SVIL: variants seen among roughly 807,000 people sequenced by gnomAD.
The protein encoded by SVIL is supervillin.
SVIL carries 101 observed loss-of-function variants against 240.4 expected under a neutral mutation model. The ratio of observed to expected loss-of-function variants is 0.42; its 90% CI spans 0.36 to 0.50. SVIL has a LOEUF of 0.50. SVIL is among the 20% of genes least tolerant of loss of function. The pLI is 0.01. For missense variants in SVIL, 2,512 were observed against 2,818.7 expected (o/e 0.89, Z 2.46); for synonymous variants, 999 against 1,100.0 (o/e 0.91, Z 1.82).
chr10:29,529,312 T>C (rs1002554852), intron 12 of SVIL, among the ~76,000 whole-genome samples: 29 of 152,038 alleles, frequency 1.9e-4, no homozygotes, highest in African/African-American at 6.8e-4. Context: ...TAGTGTTTGC[T>C]TGAAAATAGC....
chr10:29,551,076 C>G lies in SVIL; in HGVS notation c.348G>C (p.Leu116=). The G allele has an allele frequency of 6.2e-7, 1 of 1,614,158 alleles. No individual in the cohort carries two copies. The highest frequency in any genetic ancestry group is 8.5e-7 in the Non-Finnish European group (1 of 1,180,028). The change falls in exon 6 of 38, where the codon CTG becomes CTC. Residue 116 remains leucine (L), a synonymous_variant. Coordinates refer to ENST00000355867, the MANE Select transcript of SVIL (RefSeq NM_021738.3). ...CCAGAGTCAGCCCATACTTCTCTGC[C>G]AGCTGTCGCCTTCTTTCTGCTTTGT... ...ARYKAERRRQ[L]AEKYGLTLDP... is the part of the protein sequence containing the mutation.
At chr10:29,696,763 C>T (rs1962063009) in intron 1 of SVIL, among the ~76,000 whole-genome samples, 3 of 151,368 alleles carry the variant, frequency 2.0e-5, no homozygotes, top group Admixed American at 2.0e-4. Context: ...TGGCTGCCAC[C>T]CCGTCTGGGA....
At chr10:29,493,849 A>G (rs1211771972) in intron 20 of SVIL, among the ~76,000 whole-genome samples, 1 of 152,280 alleles carries the variant, frequency 6.6e-6, no homozygotes, top group Non-Finnish European at 1.5e-5. Flanking sequence ...TAGTTCACAA[A>G]TGGGCATGGA....
intron 14 of SVIL, 44 bp from the exon 15 acceptor site, chr10:29,524,071 T>G (rs773512525): frequency 3.1e-5 from 48 of 1,525,714 alleles, no homozygotes; most frequent in Non-Finnish European, 4.2e-5. Context: ...TTGAAAAATA[T>G]CATCTATATA....
intron 1 of SVIL, among the ~76,000 whole-genome samples, chr10:29,576,944 G>C (rs1256337211): frequency 6.6e-6 from 1 of 152,014 alleles, no homozygotes; most frequent in Admixed American, 6.6e-5. Context: ...GCAGTGGCGC[G>C]AGCTAGGCTC....
At chr10:29,687,910 A>G (rs1470833909) in intron 1 of SVIL, among the ~76,000 whole-genome samples, 1 of 152,064 alleles carries the variant, frequency 6.6e-6, no homozygotes, top group Non-Finnish European at 1.5e-5. Context: ...TGGTTATCAC[A>G]AGTTACTCCC....
chr10:29,618,849 T>G (rs1957523355), intron 1 of SVIL, among the ~76,000 whole-genome samples: 1 of 151,932 alleles, frequency 6.6e-6, no homozygotes, highest in Admixed American at 6.6e-5. Context: ...GCCTCCTGAG[T>G]AGCTGGGACT....
intron 17 of SVIL, among the ~76,000 whole-genome samples, chr10:29,510,538 C>A (rs1949751755): frequency 6.6e-6 from 1 of 151,326 alleles, no homozygotes; most frequent in Non-Finnish European, 1.5e-5. Context: ...AACGTAGGAA[C>A]CGTGAAGGGC....
intron 1 of SVIL, among the ~76,000 whole-genome samples, chr10:29,612,931 G>A (rs1260552776): frequency 3.3e-5 from 5 of 151,966 alleles, no homozygotes; most frequent in South Asian, 2.1e-4. Flanking sequence ...TAATCCCAGC[G>A]CTTTGGGAGG....
chr10:29,694,829 T>C (rs1456415700), intron 1 of SVIL, among the ~76,000 whole-genome samples: 1 of 152,072 alleles, frequency 6.6e-6, no homozygotes, highest in Non-Finnish European at 1.5e-5. Flanking sequence ...ATAGGAAAGC[T>C]CAAGGTGAGA....
chr10:29,512,303 A>G (rs1949895731), intron 17 of SVIL, among the ~76,000 whole-genome samples: 1 of 152,188 alleles, frequency 6.6e-6, no homozygotes, highest in Non-Finnish European at 1.5e-5. Context: ...CATAAACCAC[A>G]ATTATGTCCT....
intron 1 of SVIL, among the ~76,000 whole-genome samples, chr10:29,624,166 C>CAAA (rs58064632): frequency 0.063 from 8,573 of 136,006 alleles, 317 homozygotes; most frequent in Admixed American, 0.1. Context: ...AATGAGCTTT[C>CAAA]AAAAAAAAAA....
intron 18 of SVIL, among the ~76,000 whole-genome samples, chr10:29,498,224 C>T (rs1295294547): frequency 6.6e-6 from 1 of 151,902 alleles, no homozygotes; most frequent in African/African-American, 2.4e-5. Context: ...TTGAGACCAC[C>T]TGGCCCACAT....
At chr10:29,655,500 C>A (rs370654065) in intron 3 of SVIL, among the ~76,000 whole-genome samples, 14 of 152,290 alleles carry the variant, frequency 9.2e-5, no homozygotes, top group African/African-American at 2.9e-4. Context: ...CCATGCTGGG[C>A]AGCTGACTGG....
chr10:29,470,791 C>T (rs1354758828), intron 31 of SVIL, among the ~76,000 whole-genome samples: 1 of 152,100 alleles, frequency 6.6e-6, no homozygotes, highest in Non-Finnish European at 1.5e-5. Flanking sequence ...TTTTAAAAGG[C>T]TCTAGAGCTA....
intron 3 of SVIL, among the ~76,000 whole-genome samples, chr10:29,651,098 A>T (rs932693363): frequency 6.6e-6 from 1 of 152,202 alleles, no homozygotes; most frequent in Non-Finnish European, 1.5e-5. Flanking sequence ...AAGGCAAAGA[A>T]TGGCACTCTT....
intron 21 of SVIL, among the ~76,000 whole-genome samples, chr10:29,491,829 T>G (rs1239388742): frequency 2.0e-5 from 3 of 152,218 alleles, no homozygotes; most frequent in Non-Finnish European, 2.9e-5. Context: ...AGTGACATTG[T>G]GTGGGCGGAA....
intron 1 of SVIL, among the ~76,000 whole-genome samples, chr10:29,708,342 C>T (rs948758442): frequency 1.3e-5 from 2 of 151,214 alleles, no homozygotes; most frequent in Non-Finnish European, 2.9e-5. Context: ...AGATTTTGGC[C>T]ACGTGCGTTA....
At chr10:29,631,139 A>T (rs1589424524) in intron 1 of SVIL, among the ~76,000 whole-genome samples, 1 of 152,224 alleles carries the variant, frequency 6.6e-6, no homozygotes, top group East Asian at 1.9e-4. Flanking sequence ...GAGACTTGCC[A>T]ACAGAACTCC....
Sources: allele counts gnomAD v4.1 joint callset (sites outside exome capture counted in the v4.1 genomes callset), GRCh38; gene constraint gnomAD v4.1.1; transcripts MANE v1.5; gene names NCBI Gene and HGNC (gene_info 2026-07-23, HGNC 2026-07-21).